PHACTR1: variants seen among roughly 807,000 people sequenced by gnomAD.
PHACTR1 encodes RPEL repeat containing 1.
A neutral mutation model predicts 69.2 loss-of-function variants in PHACTR1; 16 were observed. The ratio of observed to expected loss-of-function variants is 0.23; its 90% CI spans 0.16 to 0.35. PHACTR1 has a LOEUF of 0.35. Ranked by LOEUF, PHACTR1 falls within the 10% of genes least tolerant of loss-of-function variation. The pLI, the probability that PHACTR1 is intolerant of heterozygous loss-of-function variation, is 1.00. For missense variants in PHACTR1, 510 were observed against 734.7 expected (o/e 0.69, Z 3.54); for synonymous variants, 312 against 284.5 (o/e 1.10, Z -0.97).
chr6:13,128,020 G>A (rs940790516), intron 5 of PHACTR1, among the ~76,000 whole-genome samples: 5 of 150,994 alleles, frequency 3.3e-5, no homozygotes, highest in East Asian at 2.0e-4. Flanking sequence ...AGAAGTATGA[G>A]CAAAAGGAGG....
At chr6:13,116,997 G>A (rs982381997) in intron 5 of PHACTR1, among the ~76,000 whole-genome samples, 2 of 152,166 alleles carry the variant, frequency 1.3e-5, no homozygotes, top group Non-Finnish European at 2.9e-5. Context: ...GTGCTCAATT[G>A]CATCTTGGTT....
At chr6:12,846,234 C>T (rs527935021) in intron 4 of PHACTR1, among the ~76,000 whole-genome samples, 1 of 152,168 alleles carries the variant, frequency 6.6e-6, no homozygotes, top group Admixed American at 6.5e-5. Context: ...TAAGCATGTG[C>T]GTTTGTCAAT....
intron 5 of PHACTR1, among the ~76,000 whole-genome samples, chr6:13,129,887 T>G (rs1297933772): frequency 6.6e-6 from 1 of 152,096 alleles, no homozygotes; most frequent in Non-Finnish European, 1.5e-5. Flanking sequence ...TTCTCCAAGA[T>G]AGACCATATA....
At chr6:13,082,662 T>G (rs145764315) in intron 5 of PHACTR1, among the ~76,000 whole-genome samples, 1,658 of 152,300 alleles carry the variant, frequency 0.011, 22 homozygotes, top group African/African-American at 0.035. Context: ...AGATGGTATC[T>G]CATTGTGGTT....
chr6:12,977,989 G>A (rs544460260), intron 4 of PHACTR1, among the ~76,000 whole-genome samples: 7 of 152,334 alleles, frequency 4.6e-5, no homozygotes, highest in South Asian at 4.1e-4. Context: ...ATGTGAACAC[G>A]TGGCTAGGTC....
chr6:13,237,310 G>A (rs1045744209), intron 10 of PHACTR1, among the ~76,000 whole-genome samples: 7 of 152,202 alleles, frequency 4.6e-5, no homozygotes, highest in South Asian at 4.1e-4. Context: ...CCAGGAGGTC[G>A]AGGCTGCAGT....
At chr6:12,893,156 C>T (rs1193001883) in intron 4 of PHACTR1, among the ~76,000 whole-genome samples, 1 of 152,182 alleles carries the variant, frequency 6.6e-6, no homozygotes, top group Non-Finnish European at 1.5e-5. Flanking sequence ...AAACATGACT[C>T]TCTGATTCTT....
rs373638315 is a variant in PHACTR1 at position 12,961,651 on chromosome 6, G to A, written c.251-91714G>A. Among the ~76,000 whole-genome samples, 204 of 152,334 alleles carry A rather than the reference G, an allele frequency of 1.3e-3. 1 individual carries two copies. The South Asian group carries it at 0.018, about 14-fold the overall frequency. On this transcript the variant is annotated intron_variant, in intron 4 of 14. Transcript: ENST00000332995. ...TACTGAAAACCAGGATTTTCTTATA[G>A]ATAGTAATGAAGAAAATCACCTTGG...
At chr6:13,230,424 T>C (rs1770673205) in intron 10 of PHACTR1, 2 of 912,798 alleles carry the variant, frequency 2.2e-6, no homozygotes, top group Admixed American at 3.1e-5. Flanking sequence ...TGGTGGCCTG[T>C]AGTCCCAGCT....
chr6:12,999,834 A>G (rs1797872359), intron 4 of PHACTR1, among the ~76,000 whole-genome samples: 2 of 152,174 alleles, frequency 1.3e-5, no homozygotes, highest in Non-Finnish European at 1.5e-5. Context: ...ATGTTTGGCT[A>G]TATCTGTAAT....
rs373785465 is a variant in PHACTR1, at chr6:13,210,525, CAA to C, written c.986+4391_986+4392del. On this transcript the variant is annotated intron_variant, in intron 8 of 14. Coordinates refer to ENST00000332995, the MANE Select transcript of PHACTR1 (RefSeq NM_030948.6). ...GGCATCACACACCCCTACTTCAGGACAAAGTGTGTGGGTTCCAGAATTAACTG... is the reference window on the plus strand; with the variant it reads ...GGCATCACACACCCCTACTTCAGGACAGTGTGTGGGTTCCAGAATTAACTG... 7.6e-4 allele frequency among the ~76,000 whole-genome samples: 116 copies of C among 152,310 alleles called. No homozygotes were observed. The South Asian group carries it at 0.024, about 31-fold the overall frequency.
intron 4 of PHACTR1, chr6:12,933,556 G>T: frequency 6.3e-7 from 1 of 1,578,978 alleles, no homozygotes; most frequent in Non-Finnish European, 8.6e-7. Context: ...ATCTCGCCAG[G>T]GTGATTCTTC....
intron 4 of PHACTR1, among the ~76,000 whole-genome samples, chr6:13,032,316 T>A (rs1001286003): frequency 2.0e-5 from 3 of 152,154 alleles, no homozygotes; most frequent in African/African-American, 7.2e-5. Context: ...TTATTCAGAG[T>A]CTGTTTATAT....
intron 6 of PHACTR1, among the ~76,000 whole-genome samples, chr6:13,174,955 T>C (rs1165973555): frequency 6.6e-6 from 1 of 152,234 alleles, no homozygotes; most frequent in African/African-American, 2.4e-5. Context: ...TTATTATTAC[T>C]ATCATATATA....
chr6:12,975,100 CTCTA>C (rs1435236495), intron 4 of PHACTR1, among the ~76,000 whole-genome samples: 1 of 152,102 alleles, frequency 6.6e-6, no homozygotes, highest in African/African-American at 2.4e-5. Context: ...GGAGTGCTGA[CTCTA>C]TCTGTTACAA....
intron 4 of PHACTR1, among the ~76,000 whole-genome samples, chr6:12,777,235 A>T (rs1288795360): frequency 8.3e-6 from 1 of 120,822 alleles, no homozygotes; most frequent in African/African-American, 3.6e-5. Flanking sequence ...ATATATATAT[A>T]TATATATTTT....
chr6:12,822,424 G>C (rs971630057), intron 4 of PHACTR1, among the ~76,000 whole-genome samples: 1 of 152,198 alleles, frequency 6.6e-6, no homozygotes, highest in African/African-American at 2.4e-5. Flanking sequence ...GATACCACAT[G>C]AAGGAGGGCT....
At chr6:12,787,380 A>G (rs1210335716) in intron 4 of PHACTR1, among the ~76,000 whole-genome samples, 1 of 152,240 alleles carries the variant, frequency 6.6e-6, no homozygotes, top group Non-Finnish European at 1.5e-5. Context: ...AAATACTCCC[A>G]TAGAAAAAGA....
intron 4 of PHACTR1, among the ~76,000 whole-genome samples, chr6:13,025,818 T>C (rs545232511): frequency 5.3e-5 from 8 of 152,094 alleles, no homozygotes; most frequent in Non-Finnish European, 1.2e-4. Context: ...GGTAGGAATA[T>C]AACATTTTTA....
Sources: gnomAD v4.1 joint callset for allele counts (sites outside exome capture counted in the v4.1 genomes callset) on GRCh38, gnomAD v4.1.1 for gene constraint, MANE v1.5 for transcripts, NCBI Gene and HGNC (gene_info 2026-07-23, HGNC 2026-07-21) for gene names.